Variants in MEI4 observed in about 807,000 individuals in gnomAD.
The protein encoded by MEI4 is meiotic double-stranded break formation protein 4, also known as meiosis-specific protein MEI4.
In MEI4, 27 loss-of-function variants were observed where a neutral mutation model predicts 31.4. That is an observed-to-expected ratio of 0.86 (90% CI 0.63 to 1.19). The LOEUF is 1.19. Among genes scored for constraint, MEI4 ranks in the 50% most tolerant of loss-of-function variants. MEI4 has a pLI of 0.00. For synonymous variants in MEI4, 122 were observed against 145.4 expected, an observed-to-expected ratio of 0.84 and a Z score of 1.16; for missense variants, 329 against 398.9, an observed-to-expected ratio of 0.82 and a Z score of 1.49.
intron 4 of MEI4, among the ~76,000 whole-genome samples, chr6:77,891,897 G>C (rs1771776701): frequency 6.6e-6 from 1 of 152,194 alleles, no homozygotes; most frequent in South Asian, 2.1e-4. Flanking sequence ...TCAATGTCAA[G>C]TTTGTCTGTG....
intron 1 of MEI4, among the ~76,000 whole-genome samples, chr6:77,653,489 A>G (rs940321702): frequency 1.4e-4 from 22 of 152,298 alleles, no homozygotes; most frequent in African/African-American, 5.3e-4. Flanking sequence ...ATCCACTCAT[A>G]TATCTTCAGG....
chr6:77,876,149 A>G (rs148668261), intron 4 of MEI4, among the ~76,000 whole-genome samples: 28 of 152,328 alleles, frequency 1.8e-4, no homozygotes, highest in Non-Finnish European at 3.7e-4. Context: ...CTTTATCTAT[A>G]TGATAGATTT....
At chr6:77,652,356 T>C (rs542853278), upstream of MEI4, among the ~76,000 whole-genome samples, 1 of 152,356 alleles carries the variant, frequency 6.6e-6, no homozygotes, top group South Asian at 2.1e-4. Flanking sequence ...GGTCAAATAC[T>C]GCAGATAAAT....
At chr6:77,896,207 C>A (rs995065112) in intron 4 of MEI4, among the ~76,000 whole-genome samples, 1 of 152,030 alleles carries the variant, frequency 6.6e-6, no homozygotes, top group African/African-American at 2.4e-5. Flanking sequence ...TATGAATGCT[C>A]TTTGTGAAAA....
intron 3 of MEI4, among the ~76,000 whole-genome samples, chr6:77,763,046 G>C (rs1768080379): frequency 6.6e-6 from 1 of 152,006 alleles, no homozygotes; most frequent in African/African-American, 2.4e-5. Flanking sequence ...ATTACTGAAT[G>C]ATGCAAATAT....
chr6:77,664,476 TGG>T (rs1361061690), intron 1 of MEI4, among the ~76,000 whole-genome samples: 1 of 151,976 alleles, frequency 6.6e-6, no homozygotes, highest in African/African-American at 2.4e-5. Context: ...GCTGGGCAGG[TGG>T]GGGAGGGCTA....
intron 4 of MEI4, among the ~76,000 whole-genome samples, chr6:77,887,294 T>G (rs943338512): frequency 1.3e-5 from 2 of 152,052 alleles, no homozygotes; most frequent in Non-Finnish European, 1.5e-5. Flanking sequence ...TTTCTTTTCT[T>G]TTTTATTCTT....
At chr6:77,752,143 C>A (rs1767791465) in intron 2 of MEI4, among the ~76,000 whole-genome samples, 1 of 152,110 alleles carries the variant, frequency 6.6e-6, no homozygotes, top group African/African-American at 2.4e-5. Context: ...CTATTTATGA[C>A]AAACCCACAG....
At chr6:77,889,573 A>G (rs1044784173) in intron 4 of MEI4, among the ~76,000 whole-genome samples, 5 of 152,220 alleles carry the variant, frequency 3.3e-5, no homozygotes, top group Admixed American at 2.6e-4. Flanking sequence ...AATGCAGTGG[A>G]AAAAGTAAAA....
Position 77,923,385 on chromosome 6 carries a change from A to AAAGT in MEI4, c.*41_*44dup. 2 of 1,218,166 alleles carry AAAGT rather than the reference A, an allele frequency of 1.6e-6. No homozygotes were observed. Among genetic ancestry groups the AAAGT allele is most frequent in the East Asian group, 6.3e-5 (2 of 31,524 alleles). The allele number at this position is 1,218,166 out of a possible 1,614,324, so 75.5% of individuals were successfully genotyped here. A position where few individuals can be genotyped will look rare whatever the true frequency, so the allele number is the denominator to read the frequency against. ...CAATTTACCACGTTTGAAGCATAAT[A>AAAGT]AAGTAGAATATATGAAAATCTCATA... is the stretch of plus-strand genomic sequence containing the variant. On this transcript the variant is annotated 3_prime_UTR_variant, in exon 5 of 5. Coordinates refer to ENST00000684080, the MANE Select transcript of MEI4 (RefSeq NM_001322247.2).
At chr6:77,737,075 T>C (rs1231716213) in intron 2 of MEI4, among the ~76,000 whole-genome samples, 1 of 152,110 alleles carries the variant, frequency 6.6e-6, no homozygotes, top group East Asian at 1.9e-4. Context: ...TAAGAAAAGG[T>C]GTGACAGCCA....
At chr6:77,805,362 C>A (rs1769402046) in intron 3 of MEI4, among the ~76,000 whole-genome samples, 1 of 152,042 alleles carries the variant, frequency 6.6e-6, no homozygotes, top group African/African-American at 2.4e-5. Context: ...TTTCCAGCCT[C>A]CCACTTTTGA....
chr6:77,875,732 A>C (rs1771317458), intron 4 of MEI4, among the ~76,000 whole-genome samples: 1 of 152,184 alleles, frequency 6.6e-6, no homozygotes, highest in South Asian at 2.1e-4. Flanking sequence ...GAAAATCTGA[A>C]AATTGTAAGA....
intron 3 of MEI4, among the ~76,000 whole-genome samples, chr6:77,796,323 T>A (rs1409256079): frequency 6.6e-6 from 1 of 152,114 alleles, no homozygotes; most frequent in Non-Finnish European, 1.5e-5. Context: ...GGGTGCCCAC[T>A]CAGAACACTT....
intron 3 of MEI4, among the ~76,000 whole-genome samples, chr6:77,790,221 C>A (rs913726967): frequency 1.5e-5 from 2 of 134,392 alleles, no homozygotes; most frequent in Non-Finnish European, 3.1e-5. Flanking sequence ...ATGGACACGG[C>A]AAGTGGAACA....
In MEI4 at chr6:77,910,363, C is replaced by T. The variant is rs1294113869; in HGVS notation, c.901-12726C>T. Among the ~76,000 whole-genome samples, 4 of 152,276 alleles carry T rather than the reference C, an allele frequency of 2.6e-5. No individual in the cohort carries two copies. The South Asian group carries it at 6.2e-4, about 24-fold the overall frequency. On this transcript the variant is annotated intron_variant, in intron 4 of 4. Transcript: ENST00000684080. Reference sequence around the variant, plus strand: ...CTGATAGGCAACTTCAGCAAAGTCTCAAGATTCAAAATCAATGTGCAAAAA... The same window carrying T: ...CTGATAGGCAACTTCAGCAAAGTCTTAAGATTCAAAATCAATGTGCAAAAA...
intron 4 of MEI4, among the ~76,000 whole-genome samples, chr6:77,907,195 G>C (rs1766316306): frequency 2.6e-5 from 4 of 151,964 alleles, no homozygotes; most frequent in African/African-American, 7.3e-5. Flanking sequence ...ATGCAGGTTT[G>C]TTACATATGT....
chr6:77,839,417 A>G (rs1312799256), intron 4 of MEI4, among the ~76,000 whole-genome samples: 1 of 151,974 alleles, frequency 6.6e-6, no homozygotes, highest in Non-Finnish European at 1.5e-5. Flanking sequence ...TCTCTGGACA[A>G]CTCTCTGGAG....
intron 3 of MEI4, among the ~76,000 whole-genome samples, chr6:77,818,226 T>A (rs537733642): frequency 6.6e-6 from 1 of 152,174 alleles, no homozygotes; most frequent in Admixed American, 6.5e-5. Context: ...AAAATGAACA[T>A]CTCTGGAAAA....
Sources: allele counts gnomAD v4.1 joint callset (sites outside exome capture counted in the v4.1 genomes callset), GRCh38; gene constraint gnomAD v4.1.1; transcripts MANE v1.5; gene names NCBI Gene and HGNC (gene_info 2026-07-23, HGNC 2026-07-21).